Variants in LRIF1 observed in about 807,000 individuals in gnomAD.
LRIF1 encodes the protein ligand-dependent nuclear receptor-interacting factor 1.
In LRIF1, 32 loss-of-function variants were observed where a neutral mutation model predicts 52.7. The observed-to-expected ratio is 0.61, with a 90% confidence interval of 0.46 to 0.82. The LOEUF is 0.82. LRIF1 is among the 40% of genes least tolerant of loss of function. LRIF1 has a pLI of 0.00. For missense variants in LRIF1, 887 were observed against 892.0 expected, an observed-to-expected ratio of 0.99 and a Z score of 0.07; for synonymous variants, 323 against 317.4, an observed-to-expected ratio of 1.02 and a Z score of -0.19.
intron 3 of LRIF1, 21 bp from the exon 4 acceptor site, chr1:110,948,420 C>T (rs934395201): frequency 4.4e-6 from 7 of 1,589,970 alleles, no homozygotes; most frequent in Non-Finnish European, 6.0e-6. Context: ...GAATAACATT[C>T]CAAAACAAAA....
chr1:110,925,833 C>A, the LRIF1 span, among the ~76,000 whole-genome samples: 1 of 151,900 alleles, frequency 6.6e-6, no homozygotes, highest in Non-Finnish European at 1.5e-5. Flanking sequence ...TTATTGGGTA[C>A]ATAGTCAATA....
At chr1:110,901,189 T>G in the LRIF1 span, among the ~76,000 whole-genome samples, 1 of 152,172 alleles carries the variant, frequency 6.6e-6, no homozygotes, top group East Asian at 1.9e-4. Flanking sequence ...TTGTTTGTTT[T>G]TTTCTGAGAC....
At chr1:110,896,863 G>T in the LRIF1 span, 1 of 723,572 alleles carries the variant, frequency 1.4e-6, no homozygotes, top group Non-Finnish European at 2.3e-6. Flanking sequence ...AGAGAGGCCA[G>T]GGCAACAACC....
rs116497388 is a variant in LRIF1 at position 110,959,777 on chromosome 1, A to G, written c.68+3844T>C. Among the ~76,000 whole-genome samples the G allele has an allele frequency of 7.0e-3, 1,057 of 151,836 alleles. 5 individuals are homozygous for G. The highest frequency in any genetic ancestry group is 0.024 in the African/African-American group (988 of 41,404). On this transcript the variant is annotated intron_variant, in intron 1 of 3. Coordinates refer to ENST00000369763, the MANE Select transcript of LRIF1 (RefSeq NM_018372.4). ...AAAAAAAGAATGAGAAATTTAATAA[A>G]AAGGCACATTAAACATATTGGTAAT...
In LRIF1 at chr1:110,950,077, C is replaced by T. The variant is rs1405610649; in HGVS notation, c.1643G>A (p.Arg548Lys). 2 of 1,613,722 alleles carry T rather than the reference C, an allele frequency of 1.2e-6. No individual in the cohort carries two copies. The highest frequency in any genetic ancestry group is 1.1e-5 in the South Asian group (1 of 91,082). The change falls in exon 3 of 4, where the codon AGA (arginine) becomes AAA (lysine). Residue 548 changes from arginine to lysine, a missense_variant. By Grantham distance (26) the Arg-to-Lys change is conservative (BLOSUM62 2). Transcript: ENST00000369763. The part of the protein sequence containing the change: ...ASTSDKGAQG[R>K]NDKKDSQGRS... ...TCCTTGAGAATCTTTCTTGTCATTTCTTCCTTGGGCACCTTTATCTGATGT... is the reference window on the plus strand; with the variant it reads ...TCCTTGAGAATCTTTCTTGTCATTTTTTCCTTGGGCACCTTTATCTGATGT...
the LRIF1 span, chr1:110,892,306 A>G: frequency 4.6e-6 from 7 of 1,519,098 alleles, no homozygotes; most frequent in African/African-American, 8.2e-5. Flanking sequence ...CCCAAGAACC[A>G]CATTTTGCTT....
At chr1:110,896,727 A>C in the LRIF1 span, 2 of 1,612,402 alleles carry the variant, frequency 1.2e-6, no homozygotes, top group Non-Finnish European at 1.7e-6. Context: ...CAGATCGAAA[A>C]GTGGAGGTAA....
At chr1:110,961,303 T>TAG (rs1470564664) in intron 1 of LRIF1, among the ~76,000 whole-genome samples, 1 of 152,224 alleles carries the variant, frequency 6.6e-6, no homozygotes, top group Non-Finnish European at 1.5e-5. Flanking sequence ...GTCTATCACA[T>TAG]AGATAGTAGG....
At chr1:110,904,383 T>A in the LRIF1 span, among the ~76,000 whole-genome samples, 33 of 152,042 alleles carry the variant, frequency 2.2e-4, no homozygotes, top group Admixed American at 1.1e-3. Flanking sequence ...GGTCATAGAG[T>A]GACACAGGCG....
the LRIF1 span, chr1:110,897,931 G>T: frequency 4.2e-6 from 5 of 1,190,660 alleles, no homozygotes; most frequent in South Asian, 1.3e-5. Context: ...AGGATTACAT[G>T]AGTTAAGTCA....
chr1:110,885,046 T>C, the LRIF1 span, among the ~76,000 whole-genome samples: 1 of 152,176 alleles, frequency 6.6e-6, no homozygotes, highest in African/African-American at 2.4e-5. Context: ...CCCTTTTCTC[T>C]TTTTCTGGCT....
At chr1:110,944,861 G>C (rs1485749764), downstream of LRIF1, 2 of 150,574 alleles carry the variant, frequency 1.3e-5, no homozygotes, top group Non-Finnish European at 3.0e-5. Context: ...TAGTATTAGA[G>C]ATGAAAACAC....
chr1:110,948,541 G>A lies in LRIF1; in HGVS notation c.1870-142C>T, dbSNP rs1008193530. 4 of 1,283,540 alleles carry A rather than the reference G, an allele frequency of 3.1e-6. No individual in the cohort carries two copies. In the African/African-American group the frequency reaches 6.0e-5, roughly 19 times the overall value. The allele number at this position is 1,283,540 out of a possible 1,614,324, so 79.5% of individuals were successfully genotyped here. On this transcript the variant is annotated intron_variant, in intron 3 of 3. Coordinates refer to ENST00000369763, the MANE Select transcript of LRIF1 (RefSeq NM_018372.4). ...AATTTATGGAAGACAACTACAGCAAGAGGGAAATATTTCCCACTGTATGGT... is the reference window on the plus strand; with the variant it reads ...AATTTATGGAAGACAACTACAGCAAAAGGGAAATATTTCCCACTGTATGGT...
chr1:110,919,157 G>A, the LRIF1 span, among the ~76,000 whole-genome samples: 1 of 152,168 alleles, frequency 6.6e-6, no homozygotes, highest in African/African-American at 2.4e-5. Context: ...ATCTGTGATG[G>A]TTAATACTGA....
the LRIF1 span, among the ~76,000 whole-genome samples, chr1:110,925,908 A>G: frequency 6.6e-6 from 1 of 152,254 alleles, no homozygotes; most frequent in Admixed American, 6.5e-5. Context: ...TTGAAGCCAG[A>G]TATTATAAAA....
chr1:110,958,485 A>C (rs969789421), intron 1 of LRIF1, among the ~76,000 whole-genome samples: 1 of 152,148 alleles, frequency 6.6e-6, no homozygotes, highest in Non-Finnish European at 1.5e-5. Flanking sequence ...ATTCAATAAG[A>C]CTGAAACTCC....
chr1:110,941,082 A>T, the LRIF1 span: 2 of 152,042 alleles, frequency 1.3e-5, no homozygotes, highest in Non-Finnish European at 2.9e-5. Flanking sequence ...AAAATATCTC[A>T]TGTATTCCAT....
chr1:110,892,199 G>A, the LRIF1 span: 30 of 698,086 alleles, frequency 4.3e-5, 1 homozygote, highest in South Asian at 5.0e-4. Flanking sequence ...TGTAAGCATG[G>A]AAAAGTTTGG....
chr1:110,884,045 C>T, the LRIF1 span, among the ~76,000 whole-genome samples: 1 of 151,794 alleles, frequency 6.6e-6, no homozygotes, highest in Non-Finnish European at 1.5e-5. Flanking sequence ...TATCTACTTC[C>T]TTCTGCTTAT....
Sources: gnomAD v4.1 joint callset for allele counts (sites outside exome capture counted in the v4.1 genomes callset) on GRCh38, gnomAD v4.1.1 for gene constraint, MANE v1.5 for transcripts, NCBI Gene and HGNC (gene_info 2026-07-23, HGNC 2026-07-21) for gene names.